Variants in PNLIPRP1 observed in about 807,000 individuals in gnomAD.
PNLIPRP1 encodes the protein pancreatic lipase related protein 1, also known as inactive pancreatic lipase-related protein 1.
A neutral mutation model predicts 54.6 loss-of-function variants in PNLIPRP1; 57 were observed. The ratio of observed to expected loss-of-function variants is 1.04; its 90% confidence interval spans 0.84 to 1.30. The LOEUF (loss-of-function observed/expected upper bound fraction) is 1.30. Among genes scored for constraint, PNLIPRP1 ranks in the 50% most tolerant of loss-of-function variants. The pLI, the probability that PNLIPRP1 is intolerant of heterozygous loss-of-function variation, is 0.00. For missense variants in PNLIPRP1, 567 were observed against 568.5 expected, an observed-to-expected ratio of 1.00 and a Z score of 0.03; for synonymous variants, 232 against 208.8, an observed-to-expected ratio of 1.11 and a Z score of -0.96.
chr10:116,603,901 A>G (rs1847891595), intron 10 of PNLIPRP1, 129 bp from the exon 11 acceptor site: 2 of 512,916 alleles, frequency 3.9e-6, no homozygotes, highest in South Asian at 6.3e-5. Flanking sequence ...TCAAAAAATA[A>G]TAATAATAAT....
At chr10:116,594,916 CTGTT>C (rs782778087) in intron 5 of PNLIPRP1, 52 bp downstream of exon 5, 3 of 1,599,678 alleles carry the variant, frequency 1.9e-6, no homozygotes, top group African/African-American at 2.7e-5. Flanking sequence ...CTGCTGGTCT[CTGTT>C]TGGTAGAGAT....
chr10:116,597,063 A>G (rs1486264589), intron 6 of PNLIPRP1, among the ~76,000 whole-genome samples: 2 of 152,170 alleles, frequency 1.3e-5, no homozygotes, highest in East Asian at 3.8e-4. Flanking sequence ...GGTTTTGCCG[A>G]TGTTTGGCTT....
intron 9 of PNLIPRP1, 68 bp downstream of exon 9, chr10:116,600,233 G>A: frequency 9.8e-7 from 1 of 1,020,800 alleles, no homozygotes; most frequent in African/African-American, 1.6e-5. Context: ...TGCTGCGTTT[G>A]GGATTTGCAA....
intron 4 of PNLIPRP1, 138 bp from the exon 5 acceptor site, chr10:116,594,592 A>G (rs1847700633): frequency 1.1e-6 from 1 of 908,040 alleles, no homozygotes. Flanking sequence ...CTAATTACCA[A>G]CAGGATTCCC....
intron 6 of PNLIPRP1, 28 bp downstream of exon 6, chr10:116,596,350 T>C (rs781928599): frequency 7.1e-7 from 1 of 1,416,074 alleles, no homozygotes; most frequent in Non-Finnish European, 9.9e-7. Flanking sequence ...GGGCCCCAGT[T>C]TTGTCCCCAG....
At chr10:116,603,668 G>A (rs1230707845) in intron 10 of PNLIPRP1, among the ~76,000 whole-genome samples, 2 of 152,138 alleles carry the variant, frequency 1.3e-5, no homozygotes, top group African/African-American at 2.4e-5. Flanking sequence ...GGACACGGGC[G>A]GATCACTTGA....
chr10:116,602,016 A>ATT lies in PNLIPRP1; in HGVS notation c.1063+831_1063+832dup, dbSNP rs58771473. Among the ~76,000 whole-genome samples the ATT allele has an allele frequency of 5.9e-3, 816 of 138,070 alleles. 8 individuals are homozygous for ATT. The highest frequency in any genetic ancestry group is 5.5e-3 in the African/African-American group (205 of 37,412). 90.6% of individuals were successfully genotyped at this position (138,070 alleles called of 152,430 possible). The stretch of plus-strand genomic sequence containing the variant: ...CTATCACCATATATATCACTCTGTA[A>ATT]TTTTTTTTTTTTTTTTTGAGACGGA... On this transcript the variant is annotated intron_variant, in intron 10 of 12. Transcript: ENST00000358834.
chr10:116,592,547 A>G lies in PNLIPRP1; in HGVS notation c.330+6A>G. The G allele has an allele frequency of 6.2e-7, 1 of 1,614,130 alleles. No individual in the cohort carries two copies. Among genetic ancestry groups the G allele is most frequent in the Non-Finnish European group, 8.5e-7 (1 of 1,180,006 alleles). On this transcript the variant is annotated splice_donor_region_variant and intron_variant, in intron 4 of 12. Transcript: ENST00000358834. The stretch of plus-strand genomic sequence containing the variant: ...GGGTGACAGACATGTGCAAGGTAGG[A>G]GCCAGCTCTGATCCCTGTGGCCAGC...
At chr10:116,608,675 G>C (rs1239319022) in intron 12 of PNLIPRP1, among the ~76,000 whole-genome samples, 1 of 152,230 alleles carries the variant, frequency 6.6e-6, no homozygotes, top group East Asian at 1.9e-4. Flanking sequence ...CTCAGGGCGT[G>C]TTGGCCGCTG....
At chr10:116,600,019 G>A (rs1847805095) in intron 8 of PNLIPRP1, 28 bp from the exon 9 acceptor site, 2 of 1,492,952 alleles carry the variant, frequency 1.3e-6, no homozygotes, top group Non-Finnish European at 1.9e-6. Flanking sequence ...CCAACCACCT[G>A]TTCAGGTCTC....
chr10:116,602,261 C>T (rs373718527), intron 10 of PNLIPRP1, among the ~76,000 whole-genome samples: 41 of 152,212 alleles, frequency 2.7e-4, no homozygotes, highest in African/African-American at 6.7e-4. Flanking sequence ...CCTTGTGATC[C>T]GCCTGCCTCG....
chr10:116,596,199 A>G lies in PNLIPRP1; in HGVS notation c.466-15A>G. On this transcript the variant is annotated splice_polypyrimidine_tract_variant and intron_variant, in intron 5 of 12. Coordinates refer to ENST00000358834, the MANE Select transcript of PNLIPRP1 (RefSeq NM_006229.4). ...CAGCAAAAAATGTCCTGAAAATACA[A>G]TCTTCCCTCTCCAGACAGAGTATAG... The G allele has an allele frequency of 6.5e-7, 1 of 1,546,706 alleles. No individual in the cohort carries two copies. Among genetic ancestry groups the G allele is most frequent in the Non-Finnish European group, 8.9e-7 (1 of 1,120,990 alleles).
At position 116,598,057 on chromosome 10, in the gene PNLIPRP1, G is replaced by A. The variant is rs141131910; in HGVS notation, c.705G>A (p.Thr235=). 50 of 1,614,050 alleles carry A rather than the reference G, an allele frequency of 3.1e-5. No homozygotes were observed. In the Middle Eastern group the frequency reaches 8.2e-4, roughly 27 times the overall value. The change falls in exon 8 of 13, where the codon ACG becomes ACA. Residue 235 remains threonine (T), a synonymous_variant. Coordinates refer to ENST00000358834, the MANE Select transcript of PNLIPRP1 (RefSeq NM_006229.4). ...TTCTAAGCATTTCAGGTTTTGGAACGAACCAACAGATGGGTCATCTTGACT... is the reference window on the plus strand; with the variant it reads ...TTCTAAGCATTTCAGGTTTTGGAACAAACCAACAGATGGGTCATCTTGACT... ...APLIPFLGFG[T]NQQMGHLDFF...
chr10:116,599,839 C>T (rs1847801978), intron 8 of PNLIPRP1, among the ~76,000 whole-genome samples: 1 of 152,174 alleles, frequency 6.6e-6, no homozygotes, highest in Non-Finnish European at 1.5e-5. Context: ...ATTACATGGA[C>T]AAGGCAGGTA....
At chr10:116,605,125 T>TTCC (rs1847915883) in intron 11 of PNLIPRP1, among the ~76,000 whole-genome samples, 1 of 152,226 alleles carries the variant, frequency 6.6e-6, no homozygotes, top group Admixed American at 6.5e-5. Flanking sequence ...CAAATAATTC[T>TTCC]TCCAAAACAT....
rs782375295 is a variant in PNLIPRP1 at position 116,609,142 on chromosome 10, G to A, written c.*26G>A. The A allele has an allele frequency of 5.8e-6, 9 of 1,561,526 alleles. No homozygotes were observed. The highest frequency in any genetic ancestry group is 1.2e-5 in the South Asian group (1 of 86,484). On this transcript the variant is annotated 3_prime_UTR_variant, in exon 13 of 13. Coordinates refer to ENST00000358834, the MANE Select transcript of PNLIPRP1 (RefSeq NM_006229.4). ...GCTCCCGGGGCGACGAGGCTGCTGC[G>A]TTCACACTAATAAAATCCACTGGTG...
chr10:116,592,588 T>C, intron 4 of PNLIPRP1, 47 bp downstream of exon 4: 1 of 1,610,242 alleles, frequency 6.2e-7, no homozygotes, highest in Non-Finnish European at 8.5e-7. Flanking sequence ...CCAACACTTC[T>C]GCTAACATCT....
At position 116,594,237 on chromosome 10, in the gene PNLIPRP1, A is replaced by G. The variant is rs186091186; in HGVS notation, c.331-493A>G. The G allele has an allele frequency of 1.7e-3, 731 of 441,526 alleles. 3 individuals are homozygous for G. The highest frequency in any genetic ancestry group is 2.6e-3 in the Non-Finnish European group (581 of 224,062). 27.4% of individuals were successfully genotyped at this position (441,526 alleles called of 1,614,324 possible). On this transcript the variant is annotated intron_variant, in intron 4 of 12. Coordinates refer to ENST00000358834, the MANE Select transcript of PNLIPRP1 (RefSeq NM_006229.4). Reference sequence around the variant, plus strand: ...AAATCAGTACAGTTCTATTTTTCAAATATCTACATGTGTCTACTCCATGAA... The same window carrying G: ...AAATCAGTACAGTTCTATTTTTCAAGTATCTACATGTGTCTACTCCATGAA...
Position 116,591,194 on chromosome 10 carries a change from C to G in PNLIPRP1, c.49+16C>G, listed in dbSNP as rs374110435. On this transcript the variant is annotated intron_variant, in intron 2 of 12. Transcript: ENST00000358834. ...GCAGCCAAAGGTAAGAAACACCACT[C>G]CTGCCCCGTAGGAAGGGCTTAAACT... The G allele has an allele frequency of 2.5e-6, 4 of 1,607,766 alleles. No individual in the cohort carries two copies. The highest frequency in any genetic ancestry group is 3.4e-6 in the Non-Finnish European group (4 of 1,174,898).
Sources: gnomAD v4.1 joint callset for allele counts (sites outside exome capture counted in the v4.1 genomes callset) on GRCh38, gnomAD v4.1.1 for gene constraint, MANE v1.5 for transcripts, NCBI Gene and HGNC (gene_info 2026-07-23, HGNC 2026-07-21) for gene names.